Variants in GRIN2B observed in about 807,000 individuals in gnomAD.
GRIN2B encodes the protein glutamate ionotropic receptor NMDA type subunit 2B.
In GRIN2B, 5 loss-of-function variants were observed where a neutral mutation model predicts 114.5. The observed-to-expected ratio is 0.04, with a 90% CI of 0.02 to 0.09. GRIN2B has a LOEUF of 0.09. Among genes scored for constraint, GRIN2B ranks in the 10% least tolerant of loss-of-function variants. GRIN2B has a pLI of 1.00. For missense variants in GRIN2B, 1,108 were observed against 1,943.5 expected, an observed-to-expected ratio of 0.57 and a Z score of 8.08; for synonymous variants, 787 against 745.1, an observed-to-expected ratio of 1.06 and a Z score of -0.92.
intron 4 of GRIN2B, among the ~76,000 whole-genome samples, chr12:13,736,356 T>C (rs1399865361): frequency 1.3e-5 from 2 of 152,008 alleles, no homozygotes; most frequent in Admixed American, 6.6e-5. Flanking sequence ...TGAAATGAGG[T>C]TGACATCACT....
At chr12:13,725,945 T>A (rs1328209722) in intron 4 of GRIN2B, among the ~76,000 whole-genome samples, 2 of 152,040 alleles carry the variant, frequency 1.3e-5, no homozygotes, top group Non-Finnish European at 2.9e-5. Flanking sequence ...TTGCAGATCT[T>A]CACCTGCTCT....
intron 4 of GRIN2B, among the ~76,000 whole-genome samples, chr12:13,707,739 T>C (rs1373203480): frequency 6.6e-6 from 1 of 152,092 alleles, no homozygotes; most frequent in Non-Finnish European, 1.5e-5. Context: ...ACGGCTGCTT[T>C]GTGGACAGTA....
Position 13,728,256 on chromosome 12 carries a change from T to C in GRIN2B, c.1010+25061A>G, listed in dbSNP as rs143114437. Among the ~76,000 whole-genome samples the C allele has an allele frequency of 2.0e-3, 298 of 152,246 alleles. 3 individuals carry two copies. Among genetic ancestry groups the C allele is most frequent in the African/African-American group, 7.0e-3 (291 of 41,546 alleles). ...CATGCACTGAGTAGTCCTCCCAGGGTTGTGGTTGGGTAGGACTAACTTTGG... is the reference window on the plus strand; with the variant it reads ...CATGCACTGAGTAGTCCTCCCAGGGCTGTGGTTGGGTAGGACTAACTTTGG... On this transcript the variant is annotated intron_variant, in intron 4 of 13. Transcript: ENST00000609686.
intron 2 of GRIN2B, among the ~76,000 whole-genome samples, chr12:13,943,279 T>A (rs1277886273): frequency 1.3e-5 from 2 of 152,170 alleles, no homozygotes; most frequent in African/African-American, 2.4e-5. Flanking sequence ...TTTGCCCAGT[T>A]ACAAAACCTT....
chr12:13,932,116 A>G (rs951083113), intron 2 of GRIN2B, among the ~76,000 whole-genome samples: 1 of 152,086 alleles, frequency 6.6e-6, no homozygotes, highest in African/African-American at 2.4e-5. Flanking sequence ...CTATCTTTCC[A>G]ATTCCTTTTT....
At chr12:13,960,122 T>C (rs907083752) in intron 2 of GRIN2B, among the ~76,000 whole-genome samples, 2 of 152,096 alleles carry the variant, frequency 1.3e-5, no homozygotes, top group Non-Finnish European at 2.9e-5. Flanking sequence ...CCTCTACCCC[T>C]GCTCCCCACT....
intron 5 of GRIN2B, among the ~76,000 whole-genome samples, chr12:13,661,042 C>G (rs541067884): frequency 6.6e-6 from 1 of 152,144 alleles, no homozygotes; most frequent in African/African-American, 2.4e-5. Flanking sequence ...TCTGGCCCTG[C>G]CTTCATTTCT....
At chr12:13,706,116 G>C (rs76926751) in intron 4 of GRIN2B, among the ~76,000 whole-genome samples, 4,424 of 152,174 alleles carry the variant, frequency 0.029, 205 homozygotes, top group African/African-American at 0.1. Flanking sequence ...GCAGGCTTTG[G>C]TAATCATCTA....
intron 10 of GRIN2B, among the ~76,000 whole-genome samples, chr12:13,576,552 TC>T (rs1237636487): frequency 5.5e-5 from 8 of 145,110 alleles, no homozygotes; most frequent in African/African-American, 7.5e-5. Flanking sequence ...TTTTCTTTTT[TC>T]TTTTTTTTTT....
chr12:13,846,347 A>C (rs917711154), intron 3 of GRIN2B, among the ~76,000 whole-genome samples: 1 of 152,238 alleles, frequency 6.6e-6, no homozygotes, highest in African/African-American at 2.4e-5. Context: ...ATTATTTTTA[A>C]AAATATTAGC....
At chr12:13,585,601 G>A (rs951831366) in intron 10 of GRIN2B, among the ~76,000 whole-genome samples, 5 of 152,150 alleles carry the variant, frequency 3.3e-5, no homozygotes, top group African/African-American at 1.2e-4. Context: ...CAATCCTTTG[G>A]TAAAGAAACT....
chr12:13,680,395 T>A (rs1480377142), intron 4 of GRIN2B, among the ~76,000 whole-genome samples: 1 of 151,394 alleles, frequency 6.6e-6, no homozygotes, highest in Non-Finnish European at 1.5e-5. Flanking sequence ...ATGCAGAAGT[T>A]CTGCCCATGA....
At chr12:13,700,740 GT>G (rs1338629294) in intron 4 of GRIN2B, among the ~76,000 whole-genome samples, 1 of 152,176 alleles carries the variant, frequency 6.6e-6, no homozygotes, top group Admixed American at 6.5e-5. Flanking sequence ...AGCTGTCCCT[GT>G]TGGGTCCTTC....
Position 13,558,506 on chromosome 12 carries a change from T to C in GRIN2B, c.*4277A>G, listed in dbSNP as rs190077548. 7.3e-5 allele frequency: 11 copies of C among 149,978 alleles called. No individual in the cohort carries two copies. The highest frequency in any genetic ancestry group is 2.7e-4 in the African/African-American group (11 of 40,918). The allele number at this position is 149,978 out of a possible 1,614,324, so 9.3% of individuals were successfully genotyped here. A position where few individuals can be genotyped will look rare whatever the true frequency, so the allele number is the denominator to read the frequency against. ...AAAAAAAAAATGAACCAAAGAAACC[T>C]AGTTCTTAGTGACATGTGCAGGTGA... On this transcript the variant is annotated 3_prime_UTR_variant, in exon 14 of 14. Coordinates refer to ENST00000609686, the MANE Select transcript of GRIN2B (RefSeq NM_000834.5).
At chr12:13,798,302 A>AG (rs1864451336) in intron 3 of GRIN2B, among the ~76,000 whole-genome samples, 1 of 152,126 alleles carries the variant, frequency 6.6e-6, no homozygotes, top group Non-Finnish European at 1.5e-5. Context: ...TTACTAAAAA[A>AG]AAAAAAGTCA....
chr12:13,903,270 C>T (rs918360216), intron 2 of GRIN2B, among the ~76,000 whole-genome samples: 6 of 152,024 alleles, frequency 3.9e-5, no homozygotes, highest in Non-Finnish European at 7.4e-5. Context: ...TCCTTCCTTT[C>T]GTACTCTTTT....
chr12:13,635,481 C>T (rs1356006418), intron 5 of GRIN2B, among the ~76,000 whole-genome samples: 1 of 152,182 alleles, frequency 6.6e-6, no homozygotes, highest in Non-Finnish European at 1.5e-5. Context: ...AAATGCCACA[C>T]ACATCTGGAC....
chr12:13,768,071 T>C (rs551716071), intron 3 of GRIN2B, among the ~76,000 whole-genome samples: 8 of 152,358 alleles, frequency 5.3e-5, no homozygotes, highest in African/African-American at 1.7e-4. Context: ...AAATATGCAC[T>C]AAAAGAGGAT....
chr12:13,638,323 T>C (rs953158358), intron 5 of GRIN2B, among the ~76,000 whole-genome samples: 2 of 152,070 alleles, frequency 1.3e-5, no homozygotes, highest in African/African-American at 4.8e-5. Context: ...ATAACAATCA[T>C]ATAATTAAAG....
Sources: allele counts gnomAD v4.1 joint callset (sites outside exome capture counted in the v4.1 genomes callset), GRCh38; gene constraint gnomAD v4.1.1; transcripts MANE v1.5; gene names NCBI Gene and HGNC (gene_info 2026-07-23, HGNC 2026-07-21).